The following ATXN7 variants were observed in gnomAD, a reference collection of about 807,000 sequenced individuals.
The protein encoded by ATXN7 is ataxin 7, also known as ataxin-7.
Under a neutral mutation model 70.5 loss-of-function variants are expected in ATXN7, and 12 were observed. The observed-to-expected ratio is 0.17, with a 90% CI of 0.11 to 0.28. ATXN7 has a LOEUF of 0.28. Ranked by LOEUF, ATXN7 falls within the 10% of genes least tolerant of loss-of-function variation. The pLI, the probability that ATXN7 is intolerant of heterozygous loss-of-function variation, is 1.00. For missense variants in ATXN7, 1,256 were observed against 1,131.7 expected (o/e 1.11, Z -1.58); for synonymous variants, 498 against 448.7 (o/e 1.11, Z -1.39).
chr3:63,979,975 C>G lies in ATXN7; in HGVS notation c.560C>G (p.Ser187Cys), dbSNP rs2075458371. The G allele has an allele frequency of 6.2e-7, 1 of 1,614,110 alleles. No homozygotes were observed. The highest frequency in any genetic ancestry group is 8.5e-7 in the Non-Finnish European group (1 of 1,180,050). Residue 187 changes from serine to cysteine, a missense_variant, in exon 6 of 13, where the codon TCC becomes TGC. By Grantham distance (112) the Ser-to-Cys change is moderately radical (BLOSUM62 -1). Transcript: ENST00000674280. ...PLAVPPTSVF[S>C]FFPSLSKSKG... ...GCCGTTCCTCCCACTTCAGTATTTT[C>G]CTTCTTCCCTTCTCTGTCCAAAAGC...
chr3:63,976,793 G>A (rs977058894), intron 5 of ATXN7, among the ~76,000 whole-genome samples: 6 of 152,146 alleles, frequency 3.9e-5, no homozygotes, highest in African/African-American at 1.4e-4. Context: ...GGCTTATTGG[G>A]AAAACAGGGT....
chr3:63,999,251 A>C (rs140799437), intron 12 of ATXN7, 199 bp from the exon 13 acceptor site: 166 of 548,326 alleles, frequency 3.0e-4, no homozygotes, highest in African/African-American at 2.8e-3. Context: ...GAATCTTTGC[A>C]ATGATTGTGC....
In ATXN7 at chr3:63,900,504, C is replaced by G. The variant is rs957064420; in HGVS notation, c.-12+2007C>G. The G allele has an allele frequency of 1.6e-4, 25 of 152,236 alleles. 1 individual carries two copies. Among genetic ancestry groups the G allele is most frequent in the Admixed American group, 1.4e-3 (21 of 15,282 alleles). 9.4% of individuals were successfully genotyped at this position (152,236 alleles called of 1,614,324 possible). ...AGGGCCATAATGCAGAGATGTCTTT[C>G]AGTGATCGTTGAAGTCATCACGTTG... On this transcript the variant is annotated intron_variant, in intron 2 of 12. Transcript: ENST00000674280.
intron 12 of ATXN7, chr3:63,998,385 T>C (rs2075793921): frequency 8.1e-6 from 8 of 985,376 alleles, no homozygotes; most frequent in Non-Finnish European, 9.6e-6. Context: ...CACACACGTA[T>C]ACACACACAC....
intron 4 of ATXN7, among the ~76,000 whole-genome samples, chr3:63,951,946 C>A (rs1008455835): frequency 3.3e-5 from 5 of 152,186 alleles, no homozygotes; most frequent in African/African-American, 1.2e-4. Flanking sequence ...TTCTATTCCT[C>A]TGTCTCTGCT....
At chr3:63,963,536 CTCTA>C (rs761775034) in intron 5 of ATXN7, among the ~76,000 whole-genome samples, 3 of 152,164 alleles carry the variant, frequency 2.0e-5, no homozygotes, top group Non-Finnish European at 4.4e-5. Context: ...ATGCTTCTAA[CTCTA>C]TCCAGGCACA....
In ATXN7 at chr3:63,952,835, C is replaced by CTTTTTTTTTT. The variant is rs59256288; in HGVS notation, c.499+374_499+383dup. ...ACACTCACAATATGGATGCATGGGCCTTTTTTTTTTTTTTTTTTTTTTTTT... is the reference window on the plus strand; with the variant it reads ...ACACTCACAATATGGATGCATGGGCCTTTTTTTTTTTTTTTTTTTTTTTTTTTTTTTTTTT... On this transcript the variant is annotated intron_variant, in intron 5 of 12. Transcript: ENST00000674280. Among the ~76,000 whole-genome samples, 68 of 49,154 alleles carry CTTTTTTTTTT rather than the reference C, an allele frequency of 1.4e-3. 11 individuals carry two copies. Among genetic ancestry groups the CTTTTTTTTTT allele is most frequent in the African/African-American group, 3.3e-3 (32 of 9,802 alleles). 32.2% of individuals were successfully genotyped at this position (49,154 alleles called of 152,430 possible). A position where few individuals can be genotyped will look rare whatever the true frequency, so the allele number is the denominator to read the frequency against.
chr3:63,941,648 A>G (rs2074770838), intron 4 of ATXN7, among the ~76,000 whole-genome samples: 1 of 151,894 alleles, frequency 6.6e-6, no homozygotes, highest in Non-Finnish European at 1.5e-5. Flanking sequence ...TAAATCTAGT[A>G]TTTATTGACT....
chr3:63,976,557 T>C (rs2075391534), intron 5 of ATXN7, among the ~76,000 whole-genome samples: 1 of 152,222 alleles, frequency 6.6e-6, no homozygotes. Context: ...CAGCAGACTT[T>C]TAACTTAAGA....
intron 5 of ATXN7, among the ~76,000 whole-genome samples, chr3:63,957,972 C>G (rs1444421633): frequency 6.6e-6 from 1 of 151,756 alleles, no homozygotes; most frequent in Non-Finnish European, 1.5e-5. Flanking sequence ...TGTCACCTAT[C>G]GATAATGTTA....
At chr3:63,955,951 A>G (rs1251242242) in intron 5 of ATXN7, among the ~76,000 whole-genome samples, 1 of 152,184 alleles carries the variant, frequency 6.6e-6, no homozygotes, top group African/African-American at 2.4e-5. Context: ...ACTATTCTGA[A>G]TTGGTGAGCA....
At chr3:63,913,295 G>T in intron 4 of ATXN7, 70 bp downstream of exon 4, 1 of 1,466,616 alleles carries the variant, frequency 6.8e-7, no homozygotes, top group East Asian at 2.3e-5. Flanking sequence ...CACTGGGACC[G>T]GGAACATCAG....
At chr3:63,883,297 A>C (rs1474930988) in intron 1 of ATXN7, among the ~76,000 whole-genome samples, 1 of 152,238 alleles carries the variant, frequency 6.6e-6, no homozygotes, top group Non-Finnish European at 1.5e-5. Flanking sequence ...TCCTGGCCCC[A>C]GACTTTAAAA....
At chr3:63,962,054 A>G (rs1420496589) in intron 5 of ATXN7, among the ~76,000 whole-genome samples, 1 of 152,170 alleles carries the variant, frequency 6.6e-6, no homozygotes, top group African/African-American at 2.4e-5. Flanking sequence ...CTACTACCTG[A>G]CTGGAATAAT....
At chr3:63,963,328 A>G (rs1354506302) in intron 5 of ATXN7, among the ~76,000 whole-genome samples, 1 of 152,224 alleles carries the variant, frequency 6.6e-6, no homozygotes, top group Non-Finnish European at 1.5e-5. Flanking sequence ...TATATGAAAT[A>G]TATACACCTA....
intron 5 of ATXN7, among the ~76,000 whole-genome samples, chr3:63,956,353 G>A (rs1051022394): frequency 6.7e-6 from 1 of 149,052 alleles, no homozygotes; most frequent in Non-Finnish European, 1.5e-5. Context: ...CGCTGGAGGT[G>A]GAGCTTGCAG....
intron 2 of ATXN7, chr3:63,905,572 G>C (rs1234416377): frequency 6.6e-6 from 1 of 152,208 alleles, no homozygotes; most frequent in Non-Finnish European, 1.5e-5. Context: ...TTGCCCGCTT[G>C]TGATTGCTGC....
In ATXN7 at chr3:63,990,731, C is replaced by G. The variant is rs921332589; in HGVS notation, c.1561-7C>G. ...CAGCAAGCACGCGGCTATGTTTTCT[C>G]TTGCAGTTTTGCACATTTGGGAGCC... On this transcript the variant is annotated splice_region_variant and splice_polypyrimidine_tract_variant and intron_variant, in intron 10 of 12. Transcript: ENST00000674280. The G allele has an allele frequency of 6.2e-7, 1 of 1,614,052 alleles. No homozygotes were observed. The highest frequency in any genetic ancestry group is 8.5e-7 in the Non-Finnish European group (1 of 1,180,048).
At chr3:63,998,687 A>C (rs1002105346) in intron 12 of ATXN7, 56 of 985,000 alleles carry the variant, frequency 5.7e-5, no homozygotes, top group Non-Finnish European at 6.8e-5. Flanking sequence ...GGATCATTGA[A>C]CCCCAAGAAG....
Sources: gnomAD v4.1 joint callset for allele counts (sites outside exome capture counted in the v4.1 genomes callset) on GRCh38, gnomAD v4.1.1 for gene constraint, MANE v1.5 for transcripts, NCBI Gene and HGNC (gene_info 2026-07-23, HGNC 2026-07-21) for gene names.